MEIS2: variants seen among roughly 807,000 people sequenced by gnomAD.
The protein encoded by MEIS2 is homeobox protein Meis2.
MEIS2 carries 9 observed loss-of-function variants against 58.6 expected under a neutral mutation model. That is an observed-to-expected ratio of 0.15 (90% CI 0.09 to 0.27). The LOEUF (loss-of-function observed/expected upper bound fraction) is 0.27, where lower values mean the gene tolerates loss of function less well. MEIS2 is among the 10% of genes least tolerant of loss of function. The pLI, the probability that MEIS2 is intolerant of heterozygous loss-of-function variation, is 1.00. For missense variants in MEIS2, 427 were observed against 635.0 expected (o/e 0.67, Z 3.52); for synonymous variants, 221 against 228.4 (o/e 0.97, Z 0.29).
chr15:36,956,887 TA>T (rs61478606), intron 8 of MEIS2, among the ~76,000 whole-genome samples: 41,974 of 111,246 alleles, frequency 0.38, 7,539 homozygotes, highest in East Asian at 0.76. Context: ...AAATGATTGT[TA>T]AAAAAAAAAA....
At chr15:37,012,384 C>A (rs1321110986) in intron 8 of MEIS2, among the ~76,000 whole-genome samples, 1 of 152,188 alleles carries the variant, frequency 6.6e-6, no homozygotes, top group Non-Finnish European at 1.5e-5. Flanking sequence ...TGAAGAGATG[C>A]ACTATTTGTT....
intron 10 of MEIS2, among the ~76,000 whole-genome samples, chr15:36,895,667 G>C (rs1348755151): frequency 6.6e-6 from 1 of 152,156 alleles, no homozygotes; most frequent in African/African-American, 2.4e-5. Context: ...TTTTAAACCT[G>C]AATACAATTT....
intron 7 of MEIS2, among the ~76,000 whole-genome samples, chr15:37,064,352 A>T (rs1382912353): frequency 6.6e-6 from 1 of 152,090 alleles, no homozygotes; most frequent in Non-Finnish European, 1.5e-5. Flanking sequence ...TTTCTTTTGT[A>T]TATTTACATA....
intron 8 of MEIS2, among the ~76,000 whole-genome samples, chr15:37,004,492 T>C (rs1323771664): frequency 2.6e-5 from 4 of 152,208 alleles, no homozygotes; most frequent in Non-Finnish European, 4.4e-5. Flanking sequence ...GGAAACGTCA[T>C]AGACTCACAG....
chr15:36,927,337 C>T (rs2057789138), intron 9 of MEIS2, among the ~76,000 whole-genome samples: 1 of 151,534 alleles, frequency 6.6e-6, no homozygotes, highest in Non-Finnish European at 1.5e-5. Flanking sequence ...ACTGTTTCCA[C>T]AGAGAGGATC....
intron 8 of MEIS2, among the ~76,000 whole-genome samples, chr15:37,011,619 T>G (rs2061159973): frequency 7.6e-6 from 1 of 131,528 alleles, no homozygotes; most frequent in Admixed American, 8.0e-5. Context: ...TTTTTTTTTT[T>G]TTTTTTTTTT....
At chr15:36,915,618 G>A (rs756687791) in intron 9 of MEIS2, among the ~76,000 whole-genome samples, 5 of 152,124 alleles carry the variant, frequency 3.3e-5, no homozygotes, top group African/African-American at 1.2e-4. Context: ...AAGGAGAATC[G>A]TCAGCTGCTC....
At chr15:37,096,616 T>G in intron 2 of MEIS2, 186 bp from the exon 3 acceptor site, 1 of 596,644 alleles carries the variant, frequency 1.7e-6, no homozygotes, top group Non-Finnish European at 2.6e-6. Context: ...GAAAAGGGCC[T>G]GGCCCTCTCC....
chr15:37,036,856 T>C lies in MEIS2; in HGVS notation c.858A>G (p.Val286=). Residue 286 remains valine, a synonymous_variant, in exon 8 of 12, where the codon GTA becomes GTG. Coordinates refer to ENST00000561208, the MANE Select transcript of MEIS2 (RefSeq NM_170675.5). ...RQKKRGIFPK[V]ATNIMRAWLF... is the part of the protein sequence containing the mutation. ...GCCATGCTCTCATGATATTTGTTGC[T>C]ACTTTGGGGAAAATGCCTCTTTTCT... The C allele has an allele frequency of 6.2e-7, 1 of 1,614,142 alleles. No individual in the cohort carries two copies. The highest frequency in any genetic ancestry group is 8.5e-7 in the Non-Finnish European group (1 of 1,180,010).
intron 11 of MEIS2, among the ~76,000 whole-genome samples, chr15:36,893,449 A>T (rs556933765): frequency 4.6e-5 from 7 of 152,354 alleles, no homozygotes; most frequent in Admixed American, 4.6e-4. Context: ...AACCATCTAA[A>T]GACAATAACA....
chr15:36,911,536 G>A (rs2057022798), intron 9 of MEIS2, among the ~76,000 whole-genome samples: 3 of 152,160 alleles, frequency 2.0e-5, no homozygotes, highest in Admixed American at 6.5e-5. Context: ...TTTGGATAAT[G>A]TATAGCAATG....
At chr15:37,068,967 C>A (rs941707620) in intron 7 of MEIS2, among the ~76,000 whole-genome samples, 1 of 152,322 alleles carries the variant, frequency 6.6e-6, no homozygotes, top group African/African-American at 2.4e-5. Flanking sequence ...TTTAGTATAA[C>A]ATACCAATGT....
chr15:36,986,461 C>T (rs2060095731), intron 8 of MEIS2, among the ~76,000 whole-genome samples: 1 of 152,206 alleles, frequency 6.6e-6, no homozygotes, highest in African/African-American at 2.4e-5. Flanking sequence ...AATGTTCCAC[C>T]CACATTGCCT....
intron 6 of MEIS2, among the ~76,000 whole-genome samples, chr15:37,085,334 C>T (rs1892757163): frequency 6.6e-6 from 1 of 152,114 alleles, no homozygotes; most frequent in South Asian, 2.1e-4. Context: ...ATGTATAGTT[C>T]ATCAAGAAAA....
chr15:36,960,579 C>A (rs546791968), intron 8 of MEIS2, among the ~76,000 whole-genome samples: 1 of 152,092 alleles, frequency 6.6e-6, no homozygotes, highest in Admixed American at 6.6e-5. Flanking sequence ...AGGTATAAAA[C>A]AACAGCATTA....
intron 8 of MEIS2, among the ~76,000 whole-genome samples, chr15:37,033,275 A>G (rs1406280344): frequency 6.6e-6 from 1 of 152,146 alleles, no homozygotes; most frequent in African/African-American, 2.4e-5. Flanking sequence ...AAAAAAAAAT[A>G]CAACCAGAGT....
Position 37,099,739 on chromosome 15 carries a change from C to T in MEIS2, c.-273G>A. 2.5e-6 allele frequency: 1 copy of T among 404,362 alleles called. No homozygotes were observed. Among genetic ancestry groups the T allele is most frequent in the Non-Finnish European group, 4.4e-6 (1 of 227,632 alleles). 25.0% of individuals were successfully genotyped at this position (404,362 alleles called of 1,614,324 possible). On this transcript the variant is annotated 5_prime_UTR_variant, in exon 1 of 12. Transcript: ENST00000561208. ...CTCCTCCTCCACCTCCTCCTCCTCC[C>T]CCCTCCCCTCCTCCTCCTCTTCGGT...
chr15:37,098,381 A>G (rs776804566), intron 1 of MEIS2, 182 bp from the exon 2 acceptor site: 7,312 of 313,360 alleles, frequency 0.023, 166 homozygotes, highest in South Asian at 0.045. Flanking sequence ...GGAGAGGGGG[A>G]GAGAGAGAGA....
chr15:36,904,891 G>C (rs1206922622), intron 9 of MEIS2, among the ~76,000 whole-genome samples: 2 of 152,160 alleles, frequency 1.3e-5, no homozygotes, highest in Non-Finnish European at 2.9e-5. Context: ...GAATTAAACT[G>C]GTTTCAAATG....
Sources: allele counts gnomAD v4.1 joint callset (sites outside exome capture counted in the v4.1 genomes callset), GRCh38; gene constraint gnomAD v4.1.1; transcripts MANE v1.5; gene names NCBI Gene and HGNC (gene_info 2026-07-23, HGNC 2026-07-21).